ABCA13: variants seen among roughly 807,000 people sequenced by gnomAD.
ABCA13 encodes ATP-binding cassette sub-family A member 13.
ABCA13 carries 476 observed loss-of-function variants against 478.7 expected under a neutral mutation model. That is an observed-to-expected ratio of 0.99 (90% CI 0.92 to 1.07). The LOEUF (loss-of-function observed/expected upper bound fraction) is 1.07, where lower values mean the gene tolerates loss of function less well. ABCA13 is among the 50% of genes least tolerant of loss of function. The pLI is 0.00. For synonymous variants in ABCA13, 2,252 were observed against 2,158.9 expected (o/e 1.04, Z -1.20); for missense variants, 6,060 against 5,910.6 (o/e 1.03, Z -0.83).
chr7:48,335,007 G>A (rs1405077404), intron 27 of ABCA13, among the ~76,000 whole-genome samples: 1 of 152,158 alleles, frequency 6.6e-6, no homozygotes, highest in Non-Finnish European at 1.5e-5. Context: ...TCTGCCAGTA[G>A]CAATAAATGA....
chr7:48,431,423 G>T (rs1439214070), intron 42 of ABCA13, among the ~76,000 whole-genome samples: 1 of 152,112 alleles, frequency 6.6e-6, no homozygotes, highest in Non-Finnish European at 1.5e-5. Context: ...TTGTTTTATG[G>T]TCTATGCTGG....
chr7:48,581,907 A>G (rs1398413121), intron 56 of ABCA13, among the ~76,000 whole-genome samples: 1 of 152,214 alleles, frequency 6.6e-6, no homozygotes, highest in Non-Finnish European at 1.5e-5. Context: ...GGGAATATTT[A>G]AGTTATAGAA....
intron 55 of ABCA13, among the ~76,000 whole-genome samples, chr7:48,540,644 T>C (rs1257815837): frequency 6.6e-6 from 1 of 152,134 alleles, no homozygotes; most frequent in African/African-American, 2.4e-5. Flanking sequence ...ATTCAATATA[T>C]TAAGGTATTT....
At chr7:48,299,381 A>G (rs1338562990) in intron 23 of ABCA13, among the ~76,000 whole-genome samples, 1 of 152,192 alleles carries the variant, frequency 6.6e-6, no homozygotes, top group Non-Finnish European at 1.5e-5. Context: ...AGAAGCTGGG[A>G]AACCAAAATT....
In ABCA13 at chr7:48,315,353, A is replaced by G. The variant is rs1009938219; in HGVS notation, c.9859+944A>G. On this transcript the variant is annotated intron_variant, in intron 26 of 61. Coordinates refer to ENST00000435803, the MANE Select transcript of ABCA13 (RefSeq NM_152701.5). The stretch of plus-strand genomic sequence containing the variant: ...CATTTTTAGTTTTGTACATATCGTG[A>G]CTATACTTTTTTCTGCAATAAAATT... Among the ~76,000 whole-genome samples the G allele has an allele frequency of 1.3e-5, 2 of 152,220 alleles. 1 individual carries two copies. The highest frequency in any genetic ancestry group is 4.1e-4 in the South Asian group (2 of 4,830).
At chr7:48,383,648 C>T (rs112576242) in intron 35 of ABCA13, among the ~76,000 whole-genome samples, 1 of 152,140 alleles carries the variant, frequency 6.6e-6, no homozygotes, top group Non-Finnish European at 1.5e-5. Context: ...AGCTATAATA[C>T]ATCAGATGGA....
At chr7:48,627,104 GT>G in intron 59 of ABCA13, 2 of 932,032 alleles carry the variant, frequency 2.1e-6, no homozygotes, top group Non-Finnish European at 2.6e-6. Context: ...AATGCTTTCT[GT>G]GCATGGTCTT....
chr7:48,212,487 G>A (rs1209529254), intron 3 of ABCA13, among the ~76,000 whole-genome samples: 1 of 152,184 alleles, frequency 6.6e-6, no homozygotes, highest in Non-Finnish European at 1.5e-5. Flanking sequence ...TTTAGTGTAT[G>A]TTTAGCTATA....
Position 48,281,401 on chromosome 7 carries a change from A to G in ABCA13, c.8785A>G (p.Met2929Val), listed in dbSNP as rs778097924. 3 of 1,609,676 alleles carry G rather than the reference A, an allele frequency of 1.9e-6. No homozygotes were observed. The highest frequency in any genetic ancestry group is 8.5e-7 in the Non-Finnish European group (1 of 1,178,064). Residue 2929 changes from methionine (M) to valine (V), a missense_variant, in exon 19 of 62, where the codon ATG becomes GTG. By Grantham distance (21) the Met-to-Val change is conservative. This residue lies in a region of ABCA13 where 4,423 missense variants were observed against 4,309.1 expected (regional missense o/e 1.03). Coordinates refer to ENST00000435803, the MANE Select transcript of ABCA13 (RefSeq NM_152701.5). ...TGTGAAGCCCTCAGAAGCCATGGAG[A>G]TGCTGCAGAAAGTGAAGATGATGGT... The part of the protein sequence containing the change: ...QTVKPSEAME[M>V]LQKVKMMVVR...
intron 35 of ABCA13, among the ~76,000 whole-genome samples, chr7:48,378,176 G>A (rs1195592961): frequency 6.6e-6 from 1 of 152,172 alleles, no homozygotes; most frequent in Non-Finnish European, 1.5e-5. Context: ...GGTCATATTT[G>A]AAGGGAAGAA....
intron 34 of ABCA13, among the ~76,000 whole-genome samples, chr7:48,376,005 A>T (rs1171095173): frequency 1.3e-5 from 2 of 152,308 alleles, no homozygotes; most frequent in African/African-American, 4.8e-5. Context: ...TTGTAAAAAA[A>T]TAATAATAAT....
intron 3 of ABCA13, among the ~76,000 whole-genome samples, 187 bp downstream of exon 3, chr7:48,198,547 A>T (rs1366776993): frequency 6.6e-6 from 1 of 152,266 alleles, no homozygotes; most frequent in Non-Finnish European, 1.5e-5. Flanking sequence ...TTCCAGCAGG[A>T]GATCTTTCCA....
chr7:48,444,348 G>A (rs933213271), intron 42 of ABCA13, among the ~76,000 whole-genome samples: 1 of 152,034 alleles, frequency 6.6e-6, no homozygotes, highest in South Asian at 2.1e-4. Context: ...CTTGAGCCTC[G>A]GTCAACTCAG....
rs1195412696 is a variant in ABCA13, at chr7:48,280,829, T to C, written c.8727-514T>C. Among the ~76,000 whole-genome samples, 19 of 152,210 alleles carry C rather than the reference T, an allele frequency of 1.2e-4. 1 individual carries two copies. Among genetic ancestry groups the C allele is most frequent in the Non-Finnish European group, 2.8e-4 (19 of 68,030 alleles). ...AAATAACTATTGCTACCTAGGAATT[T>C]GACTGCTAGTTTTCAGAGCTTCCTT... On this transcript the variant is annotated intron_variant, in intron 18 of 61. Coordinates refer to ENST00000435803, the MANE Select transcript of ABCA13 (RefSeq NM_152701.5).
In ABCA13 at chr7:48,350,719, C is replaced by T. The variant is rs926297468; in HGVS notation, c.10281C>T (p.Leu3427=). The T allele has an allele frequency of 2.5e-6, 4 of 1,613,864 alleles. No individual in the cohort carries two copies. The African/African-American group carries it at 5.3e-5, about 22-fold the overall frequency. The stretch of plus-strand genomic sequence containing the variant: ...TCTTGGGCAGCATCTTGGTCAATCT[C>T]TCTTCCTGCGTGGCACTGAACCGTT... The part of the protein sequence containing the change: ...FRFLGSILVN[L]SSCVALNRFQ... Residue 3427 remains leucine, a synonymous_variant, in exon 30 of 62, where the codon CTC becomes CTT. Coordinates refer to ENST00000435803, the MANE Select transcript of ABCA13 (RefSeq NM_152701.5).
chr7:48,481,046 A>G lies in ABCA13; in HGVS notation c.12986A>G (p.Asn4329Ser). The change falls in exon 46 of 62, where the codon AAT (asparagine) becomes AGT (serine). Residue 4329 changes from asparagine to serine, a missense_variant. By Grantham distance (46) the Asn-to-Ser change is conservative. This residue lies in a region of ABCA13 where 1,627 missense variants were observed against 1,571.0 expected (regional missense o/e 1.04). Transcript: ENST00000435803. ...QDSCGCLKCP[N>S]RSASAPYLTN... ...TGAAAACAATTTCAGAAGTGTCCAA[A>G]TAGAAGTGCTAGTGCTCCCTACCTG... 6.3e-7 allele frequency: 1 copy of G among 1,592,074 alleles called. No homozygotes were observed. The highest frequency in any genetic ancestry group is 1.2e-5 in the South Asian group (1 of 86,886).
At chr7:48,508,104 C>T (rs570923764) in intron 50 of ABCA13, 55 bp downstream of exon 50, 24 of 1,608,918 alleles carry the variant, frequency 1.5e-5, no homozygotes, top group Middle Eastern at 1.7e-4. Flanking sequence ...CTAAATAGTG[C>T]GTGTATGGAG....
intron 43 of ABCA13, among the ~76,000 whole-genome samples, chr7:48,461,113 A>G (rs1433031391): frequency 6.6e-6 from 1 of 152,146 alleles, no homozygotes; most frequent in Non-Finnish European, 1.5e-5. Context: ...AATGAAAGTT[A>G]TTTTTCTTCT....
At chr7:48,445,608 C>T (rs1302121215) in intron 42 of ABCA13, among the ~76,000 whole-genome samples, 1 of 152,190 alleles carries the variant, frequency 6.6e-6, no homozygotes, top group Non-Finnish European at 1.5e-5. Context: ...TTATTTGACT[C>T]TTCTGCAGAG....
Sources: gnomAD v4.1 joint callset for allele counts (sites outside exome capture counted in the v4.1 genomes callset) on GRCh38, gnomAD v4.1.1 for gene constraint, gnomAD v4.1.1 regional missense constraint, MANE v1.5 for transcripts, NCBI Gene and HGNC (gene_info 2026-07-23, HGNC 2026-07-21) for gene names.